Variants in DRD2 observed in about 807,000 individuals in gnomAD.
DRD2 encodes D(2) dopamine receptor.
DRD2 carries 8 observed loss-of-function variants against 38.0 expected under a neutral mutation model. The observed-to-expected ratio is 0.21, with a 90% CI of 0.12 to 0.38. The LOEUF is 0.38. Ranked by LOEUF, DRD2 falls within the 10% of genes least tolerant of loss-of-function variation. The probability of loss-of-function intolerance (pLI) is 1.00; values close to 1 mark genes in which losing one functional copy is unlikely to be tolerated. For synonymous variants in DRD2, 230 were observed against 238.6 expected (o/e 0.96, Z 0.33); for missense variants, 403 against 607.7 (o/e 0.66, Z 3.54).
intron 1 of DRD2, among the ~76,000 whole-genome samples, chr11:113,440,810 G>A (rs1591290464): frequency 2.0e-5 from 3 of 152,332 alleles, no homozygotes; most frequent in African/African-American, 4.8e-5. Flanking sequence ...CACCATGCTG[G>A]TTTCTGATCT....
chr11:113,429,476 A>T (rs972423470), intron 1 of DRD2, among the ~76,000 whole-genome samples: 1 of 150,778 alleles, frequency 6.6e-6, no homozygotes, highest in African/African-American at 2.4e-5. Context: ...CGATCTCCTG[A>T]CCTCATTATC....
At chr11:113,450,917 G>A (rs1361838165) in intron 1 of DRD2, among the ~76,000 whole-genome samples, 1 of 152,200 alleles carries the variant, frequency 6.6e-6, no homozygotes, top group Non-Finnish European at 1.5e-5. Context: ...TACTAGATTA[G>A]GTGAGGGCTC....
chr11:113,413,583 C>T (rs1179054506), intron 6 of DRD2, among the ~76,000 whole-genome samples: 1 of 152,226 alleles, frequency 6.6e-6, no homozygotes, highest in Non-Finnish European at 1.5e-5. Context: ...GCTGCCTTGG[C>T]CCTGACTCTG....
chr11:113,425,807 G>A (rs1321424759), intron 1 of DRD2, among the ~76,000 whole-genome samples: 2 of 151,910 alleles, frequency 1.3e-5, no homozygotes, highest in African/African-American at 4.8e-5. Context: ...GAGGGGTGGG[G>A]GGATGTTCCA....
At chr11:113,452,477 C>CGCGCGT (rs1951224473) in intron 1 of DRD2, among the ~76,000 whole-genome samples, 1 of 87,690 alleles carries the variant, frequency 1.1e-5, no homozygotes, top group African/African-American at 4.0e-5. Flanking sequence ...TGTGCGCGCG[C>CGCGCGT]GCGCGCGCGC....
Position 113,410,511 on chromosome 11 carries a change from A to G in DRD2, c.*216T>C, listed in dbSNP as rs969369345. 3 of 650,054 alleles carry G rather than the reference A, an allele frequency of 4.6e-6. No homozygotes were observed. The South Asian group carries it at 5.5e-5, about 12-fold the overall frequency. The allele number at this position is 650,054 out of a possible 1,614,324, so 40.3% of individuals were successfully genotyped here. On this transcript the variant is annotated 3_prime_UTR_variant, in exon 8 of 8. Transcript: ENST00000362072. ...CCCCTGAGCTGGGGGGCCCAGCCCC[A>G]GGGCTGGTACCATGCCCAGCTCACT...
intron 1 of DRD2, among the ~76,000 whole-genome samples, chr11:113,450,861 C>T (rs1951204286): frequency 1.3e-5 from 2 of 152,154 alleles, no homozygotes; most frequent in Non-Finnish European, 2.9e-5. Flanking sequence ...CCACTCCTTA[C>T]CAGGGTAACT....
At chr11:113,470,932 T>C (rs1177944588) in intron 1 of DRD2, among the ~76,000 whole-genome samples, 3 of 152,188 alleles carry the variant, frequency 2.0e-5, no homozygotes, top group Non-Finnish European at 4.4e-5. Flanking sequence ...TCATGTATCC[T>C]AGGGAGAGAA....
chr11:113,474,357 T>C (rs559591518), intron 1 of DRD2: 4 of 152,246 alleles, frequency 2.6e-5, no homozygotes, highest in African/African-American at 7.2e-5. Context: ...CGGTCCATCA[T>C]AGAGCCGGGC....
At position 113,444,001 on chromosome 11, in the gene DRD2, G is replaced by A. The variant is rs185061728; in HGVS notation, c.-31-19319C>T. 3.3e-5 allele frequency among the ~76,000 whole-genome samples: 5 copies of A among 152,276 alleles called. No homozygotes were observed. The East Asian group carries it at 9.6e-4, about 29-fold the overall frequency. On this transcript the variant is annotated intron_variant, in intron 1 of 7. Transcript: ENST00000362072. ...GGCACACTTAAGCAAATAGGGTGAG[G>A]CAAGACTCCAGTTGATGAATTTGTT...
At chr11:113,432,177 C>T (rs141497405) in intron 1 of DRD2, among the ~76,000 whole-genome samples, 55 of 152,292 alleles carry the variant, frequency 3.6e-4, no homozygotes, top group African/African-American at 1.3e-3. Flanking sequence ...CACTTAGTCC[C>T]CAGGCTGATG....
At chr11:113,432,442 C>T (rs764125527) in intron 1 of DRD2, among the ~76,000 whole-genome samples, 18 of 152,110 alleles carry the variant, frequency 1.2e-4, no homozygotes, top group Non-Finnish European at 1.9e-4. Context: ...CCTATGCTTC[C>T]GTCTCAGCTT....
At chr11:113,424,255 G>A (rs764601444) in intron 2 of DRD2, 112 bp downstream of exon 2, 9 of 1,242,182 alleles carry the variant, frequency 7.2e-6, no homozygotes, top group Non-Finnish European at 1.0e-5. Context: ...AAAACCACCT[G>A]GGGAAGCACC....
At chr11:113,441,065 CAAG>C (rs57658381) in intron 1 of DRD2, among the ~76,000 whole-genome samples, 2,526 of 152,290 alleles carry the variant, frequency 0.017, 27 homozygotes, top group Non-Finnish European at 0.027. Context: ...ATGGCTGTGG[CAAG>C]AAGGAGGAGA....
intron 6 of DRD2, among the ~76,000 whole-genome samples, chr11:113,413,536 G>A (rs1219434498): frequency 6.6e-6 from 1 of 152,204 alleles, no homozygotes; most frequent in Admixed American, 6.5e-5. Flanking sequence ...CTTCTAAAGT[G>A]CAGCCTCACT....
At position 113,412,894 on chromosome 11, in the gene DRD2, G is replaced by A. The variant is rs763437647; in HGVS notation, c.811-11C>T. The A allele has an allele frequency of 2.1e-5, 34 of 1,608,852 alleles. No individual in the cohort carries two copies. In the Admixed American group the frequency reaches 5.5e-4, roughly 26 times the overall value. The stretch of plus-strand genomic sequence containing the variant: ...TCGCCGGGCAGCCTCCTGCACCAGA[G>A]GCAGAGGGCTCTGGGTAAAGCCGGA... On this transcript the variant is annotated splice_polypyrimidine_tract_variant and intron_variant, in intron 6 of 7. Coordinates refer to ENST00000362072, the MANE Select transcript of DRD2 (RefSeq NM_000795.4).
intron 1 of DRD2, among the ~76,000 whole-genome samples, chr11:113,446,150 G>T (rs920174033): frequency 3.3e-5 from 5 of 152,140 alleles, no homozygotes; most frequent in Admixed American, 6.6e-5. Context: ...TACATGGAGG[G>T]TCTTCAGCTC....
intron 1 of DRD2, among the ~76,000 whole-genome samples, chr11:113,458,597 C>G (rs1951288711): frequency 6.6e-6 from 1 of 152,188 alleles, no homozygotes; most frequent in African/African-American, 2.4e-5. Context: ...AATGCTGGTC[C>G]ACCACAACTT....
chr11:113,416,799 G>T, intron 4 of DRD2, 64 bp downstream of exon 4: 1 of 1,591,230 alleles, frequency 6.3e-7, no homozygotes, highest in Non-Finnish European at 8.6e-7. Flanking sequence ...GCTCCCTCAG[G>T]GCCCTTCGAG....
Sources: gnomAD v4.1 joint callset for allele counts (sites outside exome capture counted in the v4.1 genomes callset) on GRCh38, gnomAD v4.1.1 for gene constraint, MANE v1.5 for transcripts, NCBI Gene and HGNC (gene_info 2026-07-23, HGNC 2026-07-21) for gene names.